The following PREX1 variants were observed in gnomAD, a reference collection of about 807,000 sequenced individuals.
PREX1 encodes phosphatidylinositol-3,4,5-trisphosphate dependent Rac exchange factor 1, also known as phosphatidylinositol 3,4,5-trisphosphate-dependent Rac exchanger 1 protein.
A neutral mutation model predicts 198.3 loss-of-function variants in PREX1; 41 were observed. The ratio of observed to expected loss-of-function variants is 0.21; its 90% confidence interval spans 0.16 to 0.27. The LOEUF (loss-of-function observed/expected upper bound fraction) is 0.27, where lower values mean the gene tolerates loss of function less well. PREX1 is among the 10% of genes least tolerant of loss of function. The pLI is 1.00. For synonymous variants in PREX1, 843 were observed against 887.2 expected (o/e 0.95, Z 0.89); for missense variants, 1,620 against 2,200.7 (o/e 0.74, Z 5.28).
At chr20:48,638,462 T>C (rs965545062) in intron 30 of PREX1, among the ~76,000 whole-genome samples, 1 of 152,350 alleles carries the variant, frequency 6.6e-6, no homozygotes, top group East Asian at 1.9e-4. Context: ...TCCTGTTCTC[T>C]TTCCTTAAAA....
At chr20:48,857,464 T>C in the PREX1 span, among the ~76,000 whole-genome samples, 1 of 152,172 alleles carries the variant, frequency 6.6e-6, no homozygotes, top group South Asian at 2.1e-4. Flanking sequence ...GGGGAATCAC[T>C]TGAGCCCAGG....
the PREX1 span, among the ~76,000 whole-genome samples, chr20:48,884,422 G>A: frequency 2.0e-5 from 3 of 152,156 alleles, no homozygotes; most frequent in Admixed American, 6.5e-5. Flanking sequence ...AACCAAAATA[G>A]TTTGATGTGA....
At chr20:48,719,311 C>CT (rs2089975597) in intron 5 of PREX1, among the ~76,000 whole-genome samples, 1 of 152,194 alleles carries the variant, frequency 6.6e-6, no homozygotes, top group Non-Finnish European at 1.5e-5. Context: ...GGACCCCCCC[C>CT]CCAACTCCCC....
At chr20:48,821,212 G>A (rs575362710) in intron 1 of PREX1, among the ~76,000 whole-genome samples, 23 of 152,148 alleles carry the variant, frequency 1.5e-4, no homozygotes, top group South Asian at 6.2e-4. Flanking sequence ...AAAAAAAAAC[G>A]GGGGGATTTT....
At position 48,691,183 on chromosome 20, in the gene PREX1, A is replaced by C; in HGVS notation, c.1037-87T>G. On this transcript the variant is annotated intron_variant, in intron 8 of 39. Coordinates refer to ENST00000371941, the MANE Select transcript of PREX1 (RefSeq NM_020820.4). The surrounding 1 kb of genome is among the most constrained non-coding windows in gnomAD (Gnocchi z 5.0). ...CATTGCCAAGCCCTTCCGCCCCAGC[A>C]CAGGCAGGGCCCTCGCCTGGATCAG... is the stretch of plus-strand genomic sequence containing the variant. 6.5e-7 allele frequency: 1 copy of C among 1,547,394 alleles called. No individual in the cohort carries two copies. The highest frequency in any genetic ancestry group is 8.9e-7 in the Non-Finnish European group (1 of 1,125,126).
intron 1 of PREX1, among the ~76,000 whole-genome samples, chr20:48,777,521 A>G (rs573299196): frequency 3.3e-5 from 5 of 152,294 alleles, no homozygotes; most frequent in African/African-American, 1.2e-4. Flanking sequence ...CAAATATCTG[A>G]GAACAAAACT....
At chr20:48,667,256 G>C (rs1043207310) in intron 14 of PREX1, among the ~76,000 whole-genome samples, 1 of 152,182 alleles carries the variant, frequency 6.6e-6, no homozygotes, top group African/African-American at 2.4e-5. Flanking sequence ...CCCACCTCTG[G>C]ACTTCTCTCA....
intron 6 of PREX1, among the ~76,000 whole-genome samples, chr20:48,706,137 T>C (rs373094950): frequency 2.0e-5 from 3 of 152,358 alleles, no homozygotes; most frequent in East Asian, 3.9e-4. Context: ...TCTCAAACTG[T>C]ACATGTTTAG....
chr20:48,665,747 G>T (rs145467492), intron 15 of PREX1, among the ~76,000 whole-genome samples: 692 of 152,210 alleles, frequency 4.5e-3, no homozygotes, highest in Middle Eastern at 0.01. Flanking sequence ...GAGCCACTTC[G>T]TCCTCCTTCT....
At chr20:48,713,911 A>G (rs995519453) in intron 5 of PREX1, among the ~76,000 whole-genome samples, 3 of 152,186 alleles carry the variant, frequency 2.0e-5, no homozygotes, top group African/African-American at 7.2e-5. Flanking sequence ...CATATCAAAA[A>G]AAATTGAGAG....
In PREX1 at chr20:48,684,441, C is replaced by G. The variant is rs2089772582; in HGVS notation, c.1335-3106G>C. ...AAATCCTTACCGACCCTCTCGTGCA[C>G]ACTAACACCCTGCACCTGTGCGTAC... On this transcript the variant is annotated intron_variant, in intron 10 of 39. Coordinates refer to ENST00000371941, the MANE Select transcript of PREX1 (RefSeq NM_020820.4). The surrounding 1 kb of genome is among the most constrained non-coding windows in gnomAD (Gnocchi z 4.2). Among the ~76,000 whole-genome samples, 1 of 152,180 alleles carries G rather than the reference C, an allele frequency of 6.6e-6. No homozygotes were observed. The highest frequency in any genetic ancestry group is 2.1e-4 in the South Asian group (1 of 4,834).
At position 48,714,340 on chromosome 20, in the gene PREX1, AT is replaced by A. The variant is rs2089951947; in HGVS notation, c.622-5920del. Among the ~76,000 whole-genome samples the A allele has an allele frequency of 2.0e-5, 3 of 152,240 alleles. No homozygotes were observed. The South Asian group carries it at 6.2e-4, about 32-fold the overall frequency. The stretch of plus-strand genomic sequence containing the variant: ...AGGAAGGGAAAAGACAATCTGCCTA[AT>A]GAGGAAAATAGTATCAATTACACAT... On this transcript the variant is annotated intron_variant, in intron 5 of 39. Coordinates refer to ENST00000371941, the MANE Select transcript of PREX1 (RefSeq NM_020820.4).
chr20:48,644,575 T>C (rs1387009567), intron 26 of PREX1, 78 bp from the exon 27 acceptor site: 3 of 1,322,240 alleles, frequency 2.3e-6, no homozygotes, highest in African/African-American at 2.9e-5. Flanking sequence ...ACCCACTTTC[T>C]ACAGTGTAGA....
At chr20:48,659,338 G>C (rs1459137776) in intron 16 of PREX1, among the ~76,000 whole-genome samples, 1 of 148,966 alleles carries the variant, frequency 6.7e-6, no homozygotes, top group African/African-American at 2.5e-5. Flanking sequence ...GAAGGAAGGA[G>C]GAAGGGAGGG....
the PREX1 span, among the ~76,000 whole-genome samples, chr20:48,879,446 A>T: frequency 1.3e-5 from 2 of 152,198 alleles, no homozygotes; most frequent in African/African-American, 4.8e-5. Context: ...AATCTCCCAC[A>T]TGCTCTGTGG....
At chr20:48,843,592 A>G in the PREX1 span, among the ~76,000 whole-genome samples, 1 of 152,244 alleles carries the variant, frequency 6.6e-6, no homozygotes, top group Non-Finnish European at 1.5e-5. Context: ...CCTGTGCTCA[A>G]GCACCTTCAC....
intron 21 of PREX1, among the ~76,000 whole-genome samples, chr20:48,652,192 G>A (rs766938830): frequency 4.6e-4 from 70 of 152,312 alleles, no homozygotes; most frequent in South Asian, 1.5e-3. Context: ...AGCACTCTGC[G>A]AGGCCGAGGC....
chr20:48,696,982 A>ACACACACACACG (rs1430078201), intron 7 of PREX1, among the ~76,000 whole-genome samples: 1 of 77,044 alleles, frequency 1.3e-5, no homozygotes, highest in African/African-American at 1.8e-4. Context: ...CTCTTTACAC[A>ACACACACACACG]CACACACACA....
chr20:48,794,443 A>G (rs1200110380), intron 1 of PREX1, among the ~76,000 whole-genome samples: 2 of 152,182 alleles, frequency 1.3e-5, no homozygotes, highest in Non-Finnish European at 2.9e-5. Flanking sequence ...TCCACTCCAG[A>G]AGGAAAGAGG....
Sources: allele counts gnomAD v4.1 joint callset (sites outside exome capture counted in the v4.1 genomes callset), GRCh38; gene constraint gnomAD v4.1.1; non-coding constraint Gnocchi (gnomAD v3.1); transcripts MANE v1.5; gene names NCBI Gene and HGNC (gene_info 2026-07-23, HGNC 2026-07-21).